The following CERS6 variants were observed in gnomAD, a reference collection of about 807,000 sequenced individuals.
CERS6 encodes ceramide synthase 6.
In CERS6, 26 loss-of-function variants were observed where a neutral mutation model predicts 56.8. That is an observed-to-expected ratio of 0.46 (90% CI 0.34 to 0.63). The LOEUF (loss-of-function observed/expected upper bound fraction) is 0.63, where lower values mean the gene tolerates loss of function less well. CERS6 is among the 30% of genes least tolerant of loss of function. The pLI is 0.01. For synonymous variants in CERS6, 164 were observed against 173.3 expected (o/e 0.95, Z 0.42); for missense variants, 415 against 467.5 (o/e 0.89, Z 1.04).
intron 1 of CERS6, among the ~76,000 whole-genome samples, chr2:168,509,626 T>C (rs575671587): frequency 3.7e-4 from 56 of 152,342 alleles, no homozygotes; most frequent in Non-Finnish European, 5.6e-4. Flanking sequence ...GGTCTAGCTC[T>C]TGTGGTCTAT....
At chr2:168,759,676 TTTATCTTAACTTTGA>T (rs1684513333) in intron 8 of CERS6, among the ~76,000 whole-genome samples, 3 of 152,216 alleles carry the variant, frequency 2.0e-5, no homozygotes, top group Non-Finnish European at 4.4e-5. Context: ...TTATGGGTTC[TTTATCTTAACTTTGA>T]TTATCATAGA....
intron 9 of CERS6, chr2:168,766,453 G>A: frequency 1.0e-6 from 1 of 992,106 alleles, no homozygotes; most frequent in Non-Finnish European, 1.6e-6. Context: ...CTAACCTATT[G>A]GCACTGTCTA....
chr2:168,509,900 T>TAAAC (rs5836185), intron 1 of CERS6, among the ~76,000 whole-genome samples: 7,725 of 152,152 alleles, frequency 0.051, 283 homozygotes, highest in East Asian at 0.18. Context: ...GTCTCTACGA[T>TAAAC]AAACAAACAA....
At chr2:168,616,547 T>C (rs116795457) in intron 3 of CERS6, among the ~76,000 whole-genome samples, 4,799 of 152,280 alleles carry the variant, frequency 0.032, 216 homozygotes, top group African/African-American at 0.1. Context: ...AAAAAGACTT[T>C]CCATGCAAAT....
At chr2:168,533,620 G>A (rs1209620625) in intron 1 of CERS6, among the ~76,000 whole-genome samples, 1 of 152,032 alleles carries the variant, frequency 6.6e-6, no homozygotes, top group Non-Finnish European at 1.5e-5. Context: ...ATGTGACCTG[G>A]CCTTTCTCCC....
At chr2:168,488,238 A>G (rs532784132) in intron 1 of CERS6, among the ~76,000 whole-genome samples, 11 of 152,336 alleles carry the variant, frequency 7.2e-5, no homozygotes, top group African/African-American at 2.6e-4. Context: ...TGATGAACAC[A>G]GCTTAATACT....
chr2:168,622,280 A>G (rs897727623), intron 3 of CERS6, among the ~76,000 whole-genome samples: 1 of 152,000 alleles, frequency 6.6e-6, no homozygotes, highest in Non-Finnish European at 1.5e-5. Context: ...TCACAAAAAA[A>G]TCTAATAATG....
chr2:168,724,852 C>G lies in CERS6; in HGVS notation c.845+6874C>G, dbSNP rs184558848. Among the ~76,000 whole-genome samples the G allele has an allele frequency of 2.6e-5, 4 of 152,368 alleles. No individual in the cohort carries two copies. The South Asian group carries it at 8.3e-4, about 32-fold the overall frequency. On this transcript the variant is annotated intron_variant, in intron 8 of 9. Transcript: ENST00000305747. ...TGGCTTCACACAGTGGATCCCCCAC[C>G]GGGGCTGCAGGTGGAGCTGCCTGCC...
intron 8 of CERS6, among the ~76,000 whole-genome samples, chr2:168,765,332 G>A (rs1684700181): frequency 6.6e-6 from 1 of 152,148 alleles, no homozygotes; most frequent in Non-Finnish European, 1.5e-5. Flanking sequence ...TAAATTTTAT[G>A]TTATATTTAT....
At chr2:168,743,353 T>A (rs1307718501) in intron 8 of CERS6, among the ~76,000 whole-genome samples, 1 of 151,942 alleles carries the variant, frequency 6.6e-6, no homozygotes, top group African/African-American at 2.4e-5. Context: ...AAGAGTTGTT[T>A]GGCTGGGCGC....
At chr2:168,588,544 C>T (rs1683599925) in intron 3 of CERS6, among the ~76,000 whole-genome samples, 1 of 152,190 alleles carries the variant, frequency 6.6e-6, no homozygotes, top group African/African-American at 2.4e-5. Flanking sequence ...TTTCACTTAG[C>T]ATAATGTCCT....
chr2:168,743,995 C>CTTTTTTTTTTTTTTTTTTTTTTTTTT (rs58256507), intron 8 of CERS6, among the ~76,000 whole-genome samples: 2 of 63,402 alleles, frequency 3.2e-5, no homozygotes, highest in African/African-American at 1.4e-4. Flanking sequence ...TCTTTTTTTT[C>CTTTTTTTTTTTTTTTTTTTTTTTTTT]TTTTTTTTTT....
At chr2:168,677,925 C>T (rs1686105926) in intron 4 of CERS6, among the ~76,000 whole-genome samples, 1 of 152,220 alleles carries the variant, frequency 6.6e-6, no homozygotes, top group East Asian at 1.9e-4. Context: ...TTTATGCAGC[C>T]AACAAACATA....
intron 3 of CERS6, among the ~76,000 whole-genome samples, chr2:168,584,824 G>T (rs373613197): frequency 6.6e-6 from 1 of 152,154 alleles, no homozygotes; most frequent in East Asian, 1.9e-4. Context: ...TTTTTTGTTT[G>T]TTTTTTGTTT....
At chr2:168,617,596 A>G (rs1257212335) in intron 3 of CERS6, among the ~76,000 whole-genome samples, 1 of 152,186 alleles carries the variant, frequency 6.6e-6, no homozygotes, top group African/African-American at 2.4e-5. Context: ...CAAGGCTACT[A>G]TAAACACCTC....
intron 4 of CERS6, among the ~76,000 whole-genome samples, chr2:168,658,208 C>T (rs902770493): frequency 6.6e-6 from 1 of 152,122 alleles, no homozygotes; most frequent in Admixed American, 6.5e-5. Context: ...AATGCCTAGT[C>T]CTAGTTTATA....
At chr2:168,726,985 T>A (rs192871314) in intron 8 of CERS6, among the ~76,000 whole-genome samples, 1 of 152,296 alleles carries the variant, frequency 6.6e-6, no homozygotes, top group East Asian at 1.9e-4. Context: ...TTTGCCATAT[T>A]CTCACAAATC....
At chr2:168,552,879 C>T (rs1558995032) in intron 2 of CERS6, among the ~76,000 whole-genome samples, 2 of 152,178 alleles carry the variant, frequency 1.3e-5, no homozygotes, top group East Asian at 1.9e-4. Flanking sequence ...AGTATAGCAA[C>T]TCCTGTTAAC....
intron 4 of CERS6, among the ~76,000 whole-genome samples, chr2:168,674,319 T>C (rs1685999008): frequency 6.6e-6 from 1 of 152,202 alleles, no homozygotes. Flanking sequence ...TTGATTAAGC[T>C]GTATTATCTC....
Sources: gnomAD v4.1 joint callset for allele counts (sites outside exome capture counted in the v4.1 genomes callset) on GRCh38, gnomAD v4.1.1 for gene constraint, MANE v1.5 for transcripts, NCBI Gene and HGNC (gene_info 2026-07-23, HGNC 2026-07-21) for gene names.